The following KLHL24 variants were observed in gnomAD, a reference collection of about 807,000 sequenced individuals.
KLHL24 encodes kelch-like protein 24.
In KLHL24, 29 loss-of-function variants were observed where a neutral mutation model predicts 53.4. The ratio of observed to expected loss-of-function variants is 0.54; its 90% CI spans 0.40 to 0.74. The LOEUF (loss-of-function observed/expected upper bound fraction) is 0.74. KLHL24 is among the 30% of genes least tolerant of loss of function. The pLI, the probability that KLHL24 is intolerant of heterozygous loss-of-function variation, is 0.00. For synonymous variants in KLHL24, 222 were observed against 253.7 expected, an observed-to-expected ratio of 0.88 and a Z score of 1.19; for missense variants, 504 against 744.0, an observed-to-expected ratio of 0.68 and a Z score of 3.75.
intron 3 of KLHL24, among the ~76,000 whole-genome samples, chr3:183,651,700 A>T (rs1269052197): frequency 6.6e-6 from 1 of 152,146 alleles, no homozygotes; most frequent in East Asian, 1.9e-4. Context: ...CACACCTATA[A>T]TCCCAGTACT....
intron 1 of KLHL24, among the ~76,000 whole-genome samples, chr3:183,636,031 C>T (rs1299463407): frequency 1.3e-5 from 2 of 152,134 alleles, no homozygotes; most frequent in East Asian, 3.9e-4. Flanking sequence ...CGCCTCCTGG[C>T]ACTACGGCCC....
Position 183,650,654 on chromosome 3 carries a change from AG to A in KLHL24, c.301del (p.Glu101LysfsTer13). 1 of 1,614,158 alleles carries A rather than the reference AG, an allele frequency of 6.2e-7. No individual in the cohort carries two copies. The highest frequency in any genetic ancestry group is 2.2e-5 in the East Asian group (1 of 44,890). ...CAGAGCTATGTTTTGTAATGACCACAGGGAAAGCCGAGAAATGTTGGTTGAG... is the reference window on the plus strand; with the variant it reads ...CAGAGCTATGTTTTGTAATGACCACAGGAAAGCCGAGAAATGTTGGTTGAG... ...YFRAMFCNDH[R>X]ESREMLVEIN... is the part of the protein sequence containing the mutation. On this transcript the variant is annotated frameshift_variant, in exon 3 of 8. Coordinates refer to ENST00000242810, the MANE Select transcript of KLHL24 (RefSeq NM_017644.3). LOFTEE classifies it high-confidence loss of function. This position sits in a 1 kb window ranked among gnomAD's most constrained non-coding sequence, Gnocchi z 4.5.
At position 183,672,306 on chromosome 3, in the gene KLHL24, A is replaced by G; in HGVS notation, c.1424A>G (p.Tyr475Cys). 3.2e-6 allele frequency: 5 copies of G among 1,579,314 alleles called. No homozygotes were observed. Among genetic ancestry groups the G allele is most frequent in the Non-Finnish European group, 4.3e-6 (5 of 1,161,228 alleles). The change falls in exon 7 of 8, where the codon TAT becomes TGT. Residue 475 changes from tyrosine to cysteine, a missense_variant. Tyr to Cys is a radical substitution (Grantham distance 194). Transcript: ENST00000242810. The part of the protein sequence containing the change: ...DNTCSDKVQS[Y>C]DPETNSWLLR... ...TTTATATGTTATTAGGTTCAATCTT[A>G]TGATCCAGAAACCAATTCTTGGCTA...
intron 1 of KLHL24, among the ~76,000 whole-genome samples, chr3:183,641,498 T>G (rs1158223244): frequency 7.5e-6 from 1 of 133,796 alleles, no homozygotes; most frequent in Non-Finnish European, 1.6e-5. Context: ...AAAAAAAGAT[T>G]TACTATATTG....
chr3:183,647,164 T>TA (rs1204945868), intron 2 of KLHL24, among the ~76,000 whole-genome samples: 1 of 150,728 alleles, frequency 6.6e-6, no homozygotes, highest in Non-Finnish European at 1.5e-5. Context: ...CTTATGCCTG[T>TA]AATCCTAGCA....
chr3:183,674,247 C>CTTTCTTTCTTTCTT (rs1553847592), intron 7 of KLHL24, among the ~76,000 whole-genome samples: 1 of 88,474 alleles, frequency 1.1e-5, no homozygotes, highest in East Asian at 3.2e-4. Context: ...CATCAATTTT[C>CTTTCTTTCTTTCTT]TTTCTTTCTT....
chr3:183,639,161 T>C (rs1414588831), intron 1 of KLHL24, among the ~76,000 whole-genome samples: 2 of 151,264 alleles, frequency 1.3e-5, no homozygotes, highest in East Asian at 4.0e-4. Flanking sequence ...GATCGCGCCA[T>C]TGCACTCCGG....
intron 3 of KLHL24, 112 bp downstream of exon 3, chr3:183,651,388 T>C (rs1718094765): frequency 1.1e-5 from 8 of 711,898 alleles, no homozygotes; most frequent in South Asian, 2.1e-5. Context: ...TGTGGCTGTA[T>C]ATAATTTTAG....
chr3:183,666,959 C>G (rs1979252), intron 5 of KLHL24, among the ~76,000 whole-genome samples: 50,869 of 151,892 alleles, frequency 0.33, 9,378 homozygotes, highest in African/African-American at 0.49. Context: ...CTCCTAGCAC[C>G]CCTTTCTAAG....
chr3:183,637,979 A>G (rs562633326), intron 1 of KLHL24, among the ~76,000 whole-genome samples: 2 of 152,262 alleles, frequency 1.3e-5, no homozygotes, highest in South Asian at 4.1e-4. Context: ...ATTTTTGTAG[A>G]AGGAAGTTTG....
chr3:183,667,146 G>A (rs567651777), intron 5 of KLHL24, among the ~76,000 whole-genome samples: 4 of 152,290 alleles, frequency 2.6e-5, no homozygotes, highest in East Asian at 1.9e-4. Flanking sequence ...TAGGCCAGTC[G>A]TGGTGGCTCA....
intron 7 of KLHL24, among the ~76,000 whole-genome samples, chr3:183,676,169 C>T (rs1447038917): frequency 6.6e-6 from 1 of 152,200 alleles, no homozygotes; most frequent in African/African-American, 2.4e-5. Flanking sequence ...GATCTCGGCT[C>T]ACTGCAACCT....
At chr3:183,644,285 C>T (rs888717571) in intron 2 of KLHL24, 1 of 152,054 alleles carries the variant, frequency 6.6e-6, no homozygotes, top group African/African-American at 2.4e-5. Flanking sequence ...TAGCAAATTT[C>T]ATGTGGAAGC....
At chr3:183,655,896 A>G (rs1718795607) in intron 3 of KLHL24, among the ~76,000 whole-genome samples, 1 of 151,898 alleles carries the variant, frequency 6.6e-6, no homozygotes, top group East Asian at 1.9e-4. Context: ...GCGCCACTGT[A>G]CTCCAGCCTG....
intron 1 of KLHL24, chr3:183,636,246 C>T (rs1408541748): frequency 1.3e-5 from 2 of 152,458 alleles, no homozygotes; most frequent in African/African-American, 2.4e-5. Flanking sequence ...GCGACCGCCT[C>T]AAATCCAGCC....
At chr3:183,659,150 C>G (rs953513928) in intron 3 of KLHL24, among the ~76,000 whole-genome samples, 3 of 147,300 alleles carry the variant, frequency 2.0e-5, no homozygotes. Context: ...TGATTTTTTT[C>G]TGCAATCCAT....
chr3:183,674,686 T>C (rs1369221045), intron 7 of KLHL24, among the ~76,000 whole-genome samples: 1 of 152,248 alleles, frequency 6.6e-6, no homozygotes, highest in African/African-American at 2.4e-5. Context: ...ATCTACTTAT[T>C]GTCTCTTCTT....
chr3:183,653,381 G>A lies in KLHL24; in HGVS notation c.920+2105G>A, dbSNP rs368898934. Among the ~76,000 whole-genome samples, 20 of 152,280 alleles carry A rather than the reference G, an allele frequency of 1.3e-4. 1 individual carries two copies. The highest frequency in any genetic ancestry group is 5.2e-4 in the Admixed American group (8 of 15,298). The stretch of plus-strand genomic sequence containing the variant: ...GGAGAGACCACTGGGTGAAACAGAA[G>A]GATTTTATTTAGGTGGCCACCAACT... On this transcript the variant is annotated intron_variant, in intron 3 of 7. Coordinates refer to ENST00000242810, the MANE Select transcript of KLHL24 (RefSeq NM_017644.3).
At position 183,650,683 on chromosome 3, in the gene KLHL24, C is replaced by G. The variant is rs1298706115; in HGVS notation, c.327C>G (p.Ile109Met). ...AAAGCCGAGAAATGTTGGTTGAGAT[C>G]AATGGTATTTTAGCTGAAGCTATGG... is the stretch of plus-strand genomic sequence containing the variant. ...HRESREMLVEINGILAEAMEC... is the reference protein window; with the variant it reads ...HRESREMLVEMNGILAEAMEC... The change falls in exon 3 of 8, where the codon ATC becomes ATG. Residue 109 changes from isoleucine (I) to methionine (M), a missense_variant. Transcript: ENST00000242810. This position sits in a 1 kb window ranked among gnomAD's most constrained non-coding sequence, Gnocchi z 4.5. The G allele has an allele frequency of 6.2e-7, 1 of 1,613,894 alleles. No individual in the cohort carries two copies. The highest frequency in any genetic ancestry group is 8.5e-7 in the Non-Finnish European group (1 of 1,179,948).
Sources: allele counts gnomAD v4.1 joint callset (sites outside exome capture counted in the v4.1 genomes callset), GRCh38; gene constraint gnomAD v4.1.1; non-coding constraint Gnocchi (gnomAD v3.1); transcripts MANE v1.5; gene names NCBI Gene and HGNC (gene_info 2026-07-23, HGNC 2026-07-21).